Variants in GNAI1 observed in about 807,000 individuals in gnomAD.
The protein encoded by GNAI1 is G protein subunit alpha i1.
In GNAI1, 11 loss-of-function variants were observed where a neutral mutation model predicts 38.9. The ratio of observed to expected loss-of-function variants is 0.28; its 90% CI spans 0.18 to 0.47. The LOEUF is 0.47. Ranked by LOEUF, GNAI1 falls within the 20% of genes least tolerant of loss-of-function variation. The pLI is 0.99. For synonymous variants in GNAI1, 166 were observed against 145.1 expected, an observed-to-expected ratio of 1.14 and a Z score of -1.04; for missense variants, 317 against 436.9, an observed-to-expected ratio of 0.73 and a Z score of 2.45.
chr7:80,154,635 G>T (rs535006930), intron 1 of GNAI1, among the ~76,000 whole-genome samples: 1 of 152,212 alleles, frequency 6.6e-6, no homozygotes, highest in East Asian at 1.9e-4. Context: ...TAGGTTCATT[G>T]TTGACAAATA....
intron 1 of GNAI1, among the ~76,000 whole-genome samples, chr7:80,185,279 C>T (rs1788368111): frequency 6.6e-6 from 1 of 152,172 alleles, no homozygotes; most frequent in Admixed American, 6.5e-5. Flanking sequence ...AACTGAAAGT[C>T]ACATAACACT....
At chr7:80,217,194 G>A in intron 7 of GNAI1, 109 bp from the exon 8 acceptor site, 1 of 145,722 alleles carries the variant, frequency 6.9e-6, no homozygotes, top group Non-Finnish European at 1.2e-5. Flanking sequence ...GTCCATGAAT[G>A]AAACTGTATG....
intron 5 of GNAI1, among the ~76,000 whole-genome samples, chr7:80,209,181 T>C (rs982074102): frequency 6.6e-6 from 1 of 152,184 alleles, no homozygotes; most frequent in African/African-American, 2.4e-5. Flanking sequence ...GTCACTTCCA[T>C]GTTTTTAGGT....
At chr7:80,190,699 A>G (rs1788465796) in intron 3 of GNAI1, among the ~76,000 whole-genome samples, 1 of 152,190 alleles carries the variant, frequency 6.6e-6, no homozygotes, top group Non-Finnish European at 1.5e-5. Context: ...TCTAATTATA[A>G]ACTTTTAATT....
At chr7:80,200,262 T>C (rs1416835887) in intron 4 of GNAI1, among the ~76,000 whole-genome samples, 2 of 128,178 alleles carry the variant, frequency 1.6e-5, no homozygotes. Flanking sequence ...GGACTTTGAG[T>C]TTGCAGTGAG....
At chr7:80,156,122 A>T (rs1477916742) in intron 1 of GNAI1, among the ~76,000 whole-genome samples, 1 of 152,024 alleles carries the variant, frequency 6.6e-6, no homozygotes, top group Non-Finnish European at 1.5e-5. Flanking sequence ...TCCTCGTGAA[A>T]TTCAAAAACT....
chr7:80,172,806 A>G (rs1261946006), intron 1 of GNAI1, among the ~76,000 whole-genome samples: 1 of 152,088 alleles, frequency 6.6e-6, no homozygotes. Flanking sequence ...CACGAGGAAA[A>G]CCAAAACAAA....
chr7:80,160,588 G>A (rs941135323), intron 1 of GNAI1, among the ~76,000 whole-genome samples: 1 of 152,088 alleles, frequency 6.6e-6, no homozygotes, highest in East Asian at 1.9e-4. Flanking sequence ...TTTTAAAAAT[G>A]AATACTTGTG....
At chr7:80,183,168 C>T (rs575648998) in intron 1 of GNAI1, among the ~76,000 whole-genome samples, 9 of 152,140 alleles carry the variant, frequency 5.9e-5, no homozygotes, top group African/African-American at 1.4e-4. Flanking sequence ...GAAAGAGAAA[C>T]GTATTTCCAA....
chr7:80,181,777 A>G (rs893446206), intron 1 of GNAI1, among the ~76,000 whole-genome samples: 19 of 152,184 alleles, frequency 1.2e-4, no homozygotes, highest in Non-Finnish European at 2.2e-4. Flanking sequence ...CATAAAAATT[A>G]TATATATTTA....
intron 1 of GNAI1, among the ~76,000 whole-genome samples, chr7:80,170,190 T>A (rs981670469): frequency 1.3e-5 from 2 of 152,190 alleles, no homozygotes; most frequent in African/African-American, 4.8e-5. Flanking sequence ...TAGGATTGAG[T>A]GTTTAACCTT....
At chr7:80,153,525 A>G (rs139540552) in intron 1 of GNAI1, among the ~76,000 whole-genome samples, 1,642 of 152,280 alleles carry the variant, frequency 0.011, 11 homozygotes, top group Middle Eastern at 0.075. Context: ...GGTTAATAAG[A>G]CACAGGTGGC....
At chr7:80,201,478 G>C (rs1032114952) in intron 4 of GNAI1, among the ~76,000 whole-genome samples, 1 of 152,068 alleles carries the variant, frequency 6.6e-6, no homozygotes, top group Non-Finnish European at 1.5e-5. Context: ...CAGCATTTTG[G>C]GAGGCTGAGG....
chr7:80,174,530 C>G (rs1310894715), intron 1 of GNAI1, among the ~76,000 whole-genome samples: 5 of 150,276 alleles, frequency 3.3e-5, no homozygotes, highest in African/African-American at 9.8e-5. Flanking sequence ...GTTTGATACT[C>G]ATTAATTATA....
chr7:80,184,087 G>A (rs1237991315), intron 1 of GNAI1, among the ~76,000 whole-genome samples: 1 of 152,068 alleles, frequency 6.6e-6, no homozygotes, highest in Non-Finnish European at 1.5e-5. Flanking sequence ...GGGCGGAGGG[G>A]GAGGACTCCT....
In GNAI1 at chr7:80,225,597, G is replaced by A. The variant is rs918505800; in HGVS notation, c.*8104G>A. On this transcript the variant is annotated 3_prime_UTR_variant, in exon 8 of 8. Transcript: ENST00000649796. ...TTATTTTGGAAAGAGTAGCTCCCTG[G>A]AGTGTGGAGGAGGACAGGAATTTGC... 6.6e-6 allele frequency among the ~76,000 whole-genome samples: 1 copy of A among 152,156 alleles called. No individual in the cohort carries two copies. Among genetic ancestry groups the A allele is most frequent in the Non-Finnish European group, 1.5e-5 (1 of 68,028 alleles).
chr7:80,157,758 A>C (rs1438898512), intron 1 of GNAI1, among the ~76,000 whole-genome samples: 2 of 151,974 alleles, frequency 1.3e-5, no homozygotes, highest in Non-Finnish European at 2.9e-5. Context: ...CAAGCTGCAA[A>C]TGCAGTGGCA....
At chr7:80,141,925 C>T (rs1787533221) in intron 1 of GNAI1, among the ~76,000 whole-genome samples, 1 of 152,136 alleles carries the variant, frequency 6.6e-6, no homozygotes, top group African/African-American at 2.4e-5. Context: ...TTTTTGATAA[C>T]ATGTTTCACC....
At chr7:80,187,081 A>G (rs1050686693) in intron 1 of GNAI1, 8 of 152,080 alleles carry the variant, frequency 5.3e-5, no homozygotes, top group African/African-American at 1.9e-4. Context: ...TTTTGGGAAA[A>G]TTTCTTACAT....
Sources: gnomAD v4.1 joint callset for allele counts (sites outside exome capture counted in the v4.1 genomes callset) on GRCh38, gnomAD v4.1.1 for gene constraint, MANE v1.5 for transcripts, NCBI Gene and HGNC (gene_info 2026-07-23, HGNC 2026-07-21) for gene names.